The following PCDH15 variants were observed in gnomAD, a reference collection of about 807,000 sequenced individuals.
PCDH15 encodes protocadherin-15.
A neutral mutation model predicts 178.5 loss-of-function variants in PCDH15; 129 were observed. That is an observed-to-expected ratio of 0.72 (90% CI 0.63 to 0.84). The LOEUF (loss-of-function observed/expected upper bound fraction) is 0.84. Among genes scored for constraint, PCDH15 ranks in the 40% least tolerant of loss-of-function variants. The pLI is 0.00. For synonymous variants in PCDH15, 800 were observed against 732.0 expected (o/e 1.09, Z -1.50); for missense variants, 2,230 against 2,099.9 (o/e 1.06, Z -1.21).
chr10:55,402,212 T>G (rs999137618), intron 2 of PCDH15, among the ~76,000 whole-genome samples: 1 of 152,048 alleles, frequency 6.6e-6, no homozygotes, highest in Non-Finnish European at 1.5e-5. Flanking sequence ...GGGAAGAAAC[T>G]TCTGATTTAT....
At chr10:53,838,284 T>A (rs966229618) in intron 29 of PCDH15, among the ~76,000 whole-genome samples, 10 of 152,080 alleles carry the variant, frequency 6.6e-5, no homozygotes, top group Admixed American at 5.9e-4. Flanking sequence ...CAAAAATTTA[T>A]TTTATGATTT....
At chr10:55,317,226 A>T (rs1307029732) in intron 1 of PCDH15, among the ~76,000 whole-genome samples, 2 of 152,198 alleles carry the variant, frequency 1.3e-5, no homozygotes, top group African/African-American at 4.8e-5. Flanking sequence ...AAATGTTAGT[A>T]TACACAAAGA....
intron 3 of PCDH15, among the ~76,000 whole-genome samples, chr10:54,421,995 T>A (rs1565232890): frequency 6.8e-6 from 1 of 147,234 alleles, no homozygotes; most frequent in African/African-American, 2.5e-5. Context: ...CCTTTAATTT[T>A]AAAAATTTTA....
intron 32 of PCDH15, chr10:53,823,162 A>G (rs772345833): frequency 6.2e-7 from 1 of 1,613,956 alleles, no homozygotes; most frequent in Admixed American, 1.7e-5. Flanking sequence ...TGGGCACTTA[A>G]GTCATCCTCA....
chr10:54,893,475 T>A (rs989117522), intron 3 of PCDH15, among the ~76,000 whole-genome samples: 1 of 152,126 alleles, frequency 6.6e-6, no homozygotes, highest in South Asian at 2.1e-4. Context: ...TATCTCCATA[T>A]TCTCACTGAT....
intron 8 of PCDH15, among the ~76,000 whole-genome samples, chr10:54,314,367 C>T (rs2061102467): frequency 6.6e-6 from 1 of 152,052 alleles, no homozygotes; most frequent in South Asian, 2.1e-4. Context: ...AATGATTAGT[C>T]ATAGAGCAAA....
At chr10:53,978,039 C>T (rs376769195) in intron 21 of PCDH15, among the ~76,000 whole-genome samples, 15 of 152,258 alleles carry the variant, frequency 9.9e-5, no homozygotes, top group African/African-American at 3.4e-4. Flanking sequence ...CATTGAATGC[C>T]TGTAGCTTTT....
At chr10:54,350,485 T>C (rs1588971714) in intron 5 of PCDH15, among the ~76,000 whole-genome samples, 1 of 152,286 alleles carries the variant, frequency 6.6e-6, no homozygotes, top group Middle Eastern at 3.4e-3. Flanking sequence ...CTGCTCAAAT[T>C]TCATGATTTG....
chr10:54,077,156 G>T (rs1463876957), intron 17 of PCDH15, among the ~76,000 whole-genome samples: 2 of 151,964 alleles, frequency 1.3e-5, no homozygotes, highest in East Asian at 1.9e-4. Flanking sequence ...CTACTCTACT[G>T]ATATTCTCAT....
chr10:54,808,945 A>G (rs1952820895), intron 3 of PCDH15, among the ~76,000 whole-genome samples: 1 of 123,838 alleles, frequency 8.1e-6, no homozygotes, highest in African/African-American at 3.3e-5. Context: ...TGGGAAAAGA[A>G]AAAAAAAAAA....
rs138090039 is a variant in PCDH15 at position 53,901,753 on chromosome 10, C to T, written c.3501+1490G>A. 1.1e-3 allele frequency among the ~76,000 whole-genome samples: 161 copies of T among 152,234 alleles called. 1 individual carries two copies. The highest frequency in any genetic ancestry group is 3.7e-3 in the African/African-American group (154 of 41,560). Reference sequence around the variant, plus strand: ...CCTTTAGGGCTTTACAGAGAAATCCCAGAATGCTGCTCACTTAAGAATCCA... The same window carrying T: ...CCTTTAGGGCTTTACAGAGAAATCCTAGAATGCTGCTCACTTAAGAATCCA... On this transcript the variant is annotated intron_variant, in intron 26 of 37. Transcript: ENST00000644397.
At chr10:54,973,223 A>G (rs563043315) in intron 2 of PCDH15, among the ~76,000 whole-genome samples, 1 of 152,296 alleles carries the variant, frequency 6.6e-6, no homozygotes, top group East Asian at 1.9e-4. Flanking sequence ...ACACATATTT[A>G]GAGAAGAAGT....
At chr10:54,806,507 G>T (rs1163418894) in intron 3 of PCDH15, among the ~76,000 whole-genome samples, 1 of 149,526 alleles carries the variant, frequency 6.7e-6, no homozygotes, top group Non-Finnish European at 1.5e-5. Context: ...TTTCTGAGAC[G>T]GAGTCTTGCT....
At chr10:54,058,886 A>G (rs2093956625) in intron 18 of PCDH15, among the ~76,000 whole-genome samples, 1 of 151,646 alleles carries the variant, frequency 6.6e-6, no homozygotes, top group African/African-American at 2.4e-5. Flanking sequence ...TAGAGACAGG[A>G]TTTCTCCATG....
intron 1 of PCDH15, among the ~76,000 whole-genome samples, chr10:54,693,758 G>A (rs1397421996): frequency 6.6e-6 from 1 of 152,054 alleles, no homozygotes; most frequent in African/African-American, 2.4e-5. Flanking sequence ...GATGGAAGAG[G>A]GAGGTATCAA....
At chr10:55,115,990 C>T (rs1338238022) in intron 2 of PCDH15, among the ~76,000 whole-genome samples, 1 of 152,158 alleles carries the variant, frequency 6.6e-6, no homozygotes, top group Non-Finnish European at 1.5e-5. Context: ...CTACAGGTAT[C>T]TACACCCCTT....
chr10:54,346,717 C>T (rs1485586110), intron 5 of PCDH15, among the ~76,000 whole-genome samples: 1 of 152,172 alleles, frequency 6.6e-6, no homozygotes, highest in Non-Finnish European at 1.5e-5. Flanking sequence ...GCAGAAGACG[C>T]TGATTCCGTG....
At chr10:54,498,197 C>T (rs1178927028) in intron 3 of PCDH15, among the ~76,000 whole-genome samples, 1 of 151,988 alleles carries the variant, frequency 6.6e-6, no homozygotes, top group Non-Finnish European at 1.5e-5. Context: ...ATTTCATATC[C>T]AGCCAAACTA....
At chr10:55,470,764 T>C (rs1160074517) in intron 2 of PCDH15, among the ~76,000 whole-genome samples, 2 of 152,112 alleles carry the variant, frequency 1.3e-5, no homozygotes, top group African/African-American at 4.8e-5. Context: ...AATCAGACTA[T>C]CATACAAAGT....
Sources: gnomAD v4.1 joint callset for allele counts (sites outside exome capture counted in the v4.1 genomes callset) on GRCh38, gnomAD v4.1.1 for gene constraint, MANE v1.5 for transcripts, NCBI Gene and HGNC (gene_info 2026-07-23, HGNC 2026-07-21) for gene names.